Variants in PCDHA10 observed in about 807,000 individuals in gnomAD.
PCDHA10 encodes the protein protocadherin alpha-10.
A neutral mutation model predicts 61.2 loss-of-function variants in PCDHA10; 45 were observed. That is an observed-to-expected ratio of 0.74 (90% confidence interval 0.58 to 0.94). The LOEUF is 0.94. Ranked by LOEUF, PCDHA10 falls within the 40% of genes least tolerant of loss-of-function variation. PCDHA10 has a pLI of 0.00. For missense variants in PCDHA10, 1,278 were observed against 1,236.2 expected, an observed-to-expected ratio of 1.03 and a Z score of -0.51; for synonymous variants, 602 against 548.8, an observed-to-expected ratio of 1.10 and a Z score of -1.35.
chr5:140,895,995 G>A (rs2065293379), intron 1 of PCDHA10, among the ~76,000 whole-genome samples: 1 of 152,058 alleles, frequency 6.6e-6, no homozygotes, highest in Non-Finnish European at 1.5e-5. Flanking sequence ...ATTTTAAGTA[G>A]AGACAGGGTT....
rs114148884 is a variant in PCDHA10 at position 140,924,440 on chromosome 5, C to T, written c.2389-54509C>T. ...CTTTCTAGTTCCCTAGAAGAGATAA[C>T]GAATGGGTTTGTGTGTTTAGGGAGG... On this transcript the variant is annotated intron_variant, in intron 1 of 3. Coordinates refer to ENST00000307360, the MANE Select transcript of PCDHA10 (RefSeq NM_018901.4). Among the ~76,000 whole-genome samples, 538 of 152,252 alleles carry T rather than the reference C, an allele frequency of 3.5e-3. 4 individuals are homozygous for T. Among genetic ancestry groups the T allele is most frequent in the African/African-American group, 0.012 (480 of 41,540 alleles).
At chr5:140,986,460 G>A (rs1489873666) in intron 3 of PCDHA10, among the ~76,000 whole-genome samples, 1 of 152,176 alleles carries the variant, frequency 6.6e-6, no homozygotes, top group Admixed American at 6.5e-5. Flanking sequence ...TTTAATGAAT[G>A]CCCTCTTGTG....
chr5:140,933,244 A>G (rs1218658347), intron 1 of PCDHA10, among the ~76,000 whole-genome samples: 3 of 152,038 alleles, frequency 2.0e-5, no homozygotes, highest in African/African-American at 4.8e-5. Context: ...AGAAAGGACT[A>G]TAAACACAAA....
chr5:140,994,519 A>G (rs1378534275), intron 3 of PCDHA10, among the ~76,000 whole-genome samples: 2 of 148,690 alleles, frequency 1.3e-5, no homozygotes, highest in Non-Finnish European at 3.0e-5. Context: ...CCTGGGCAAC[A>G]TGGCAAAACC....
intron 1 of PCDHA10, among the ~76,000 whole-genome samples, chr5:140,948,620 T>TTAA (rs1422284059): frequency 6.6e-6 from 1 of 151,716 alleles, no homozygotes; most frequent in African/African-American, 2.4e-5. Context: ...CACAAAGTTG[T>TTAA]TAATAATATT....
At chr5:140,952,009 G>A (rs780606946) in intron 1 of PCDHA10, among the ~76,000 whole-genome samples, 1 of 152,102 alleles carries the variant, frequency 6.6e-6, no homozygotes, top group African/African-American at 2.4e-5. Flanking sequence ...AGAATTATAG[G>A]CCCCATGCAA....
chr5:140,874,111 G>T (rs977519429), intron 1 of PCDHA10, among the ~76,000 whole-genome samples: 2 of 152,056 alleles, frequency 1.3e-5, no homozygotes, highest in Non-Finnish European at 2.9e-5. Flanking sequence ...ATTACTTAAC[G>T]TTTTATAGTT....
Position 140,890,802 on chromosome 5 carries a change from A to G in PCDHA10, c.2388+32366A>G, listed in dbSNP as rs1401387956. On this transcript the variant is annotated intron_variant, in intron 1 of 3. Transcript: ENST00000307360. The stretch of plus-strand genomic sequence containing the variant: ...TAAGATATTAGTATTATTTTATACA[A>G]TCAACATTGTTTTAAATGTACTTAC... 5.3e-5 allele frequency among the ~76,000 whole-genome samples: 8 copies of G among 152,310 alleles called. 1 individual carries two copies. Among genetic ancestry groups the G allele is most frequent in the Admixed American group, 4.6e-4 (7 of 15,296 alleles).
intron 1 of PCDHA10, chr5:140,927,951 T>G: frequency 6.2e-7 from 1 of 1,614,198 alleles, no homozygotes; most frequent in Non-Finnish European, 8.5e-7. Context: ...CTGAGGACGC[T>G]GCCCCTGGCA....
At chr5:140,911,030 C>A (rs995736934) in intron 1 of PCDHA10, among the ~76,000 whole-genome samples, 1 of 152,066 alleles carries the variant, frequency 6.6e-6, no homozygotes, top group East Asian at 1.9e-4. Context: ...AGTTATAGGT[C>A]TAGAAGCAAA....
chr5:140,863,782 C>T (rs570936581), intron 1 of PCDHA10: 24 of 228,258 alleles, frequency 1.1e-4, no homozygotes, highest in Non-Finnish European at 1.2e-4. Flanking sequence ...GCGGATCACT[C>T]GAGGCCAGGA....
chr5:140,862,131 G>C (rs375206364), intron 1 of PCDHA10: 1 of 162,230 alleles, frequency 6.2e-6, no homozygotes, highest in Non-Finnish European at 1.4e-5. Context: ...TGTAAAGATA[G>C]GTTTTGAGGA....
At chr5:140,927,940 C>T (rs1247043975) in intron 1 of PCDHA10, 1 of 1,614,108 alleles carries the variant, frequency 6.2e-7, no homozygotes, top group African/African-American at 1.3e-5. Flanking sequence ...GAACCCAGTA[C>T]CTGAGGACGC....
At chr5:140,951,751 C>T (rs1206749897) in intron 1 of PCDHA10, among the ~76,000 whole-genome samples, 2 of 152,112 alleles carry the variant, frequency 1.3e-5, no homozygotes, top group Non-Finnish European at 2.9e-5. Flanking sequence ...CCTCACCCTC[C>T]GCGAAATCTC....
At chr5:140,965,356 A>T (rs1554227617) in intron 1 of PCDHA10, among the ~76,000 whole-genome samples, 3 of 152,194 alleles carry the variant, frequency 2.0e-5, no homozygotes, top group African/African-American at 7.2e-5. Flanking sequence ...CCTCTATAGC[A>T]GTACAAGAGG....
At chr5:140,904,729 TA>T (rs1313627737) in intron 1 of PCDHA10, among the ~76,000 whole-genome samples, 4 of 152,162 alleles carry the variant, frequency 2.6e-5, no homozygotes, top group East Asian at 1.9e-4. Context: ...CAACATCTAT[TA>T]TTTTTTTATT....
intron 1 of PCDHA10, among the ~76,000 whole-genome samples, chr5:140,946,661 G>C (rs2094005923): frequency 7.6e-6 from 1 of 132,422 alleles, no homozygotes; most frequent in Non-Finnish European, 1.6e-5. Flanking sequence ...CCATTAGAAA[G>C]AATGAAATCC....
At chr5:140,869,117 A>G in intron 1 of PCDHA10, 2 of 1,605,428 alleles carry the variant, frequency 1.2e-6, no homozygotes, top group Non-Finnish European at 1.7e-6. Context: ...TTTGGTTTTC[A>G]GAGAAGGGGA....
rs190155701 is a variant in PCDHA10, at chr5:140,878,924, A to G, written c.2388+20488A>G. Among the ~76,000 whole-genome samples, 11 of 152,344 alleles carry G rather than the reference A, an allele frequency of 7.2e-5. No homozygotes were observed. The East Asian group carries it at 2.1e-3, about 29-fold the overall frequency. ...GCTCCACCACTCCCAGCTTCAATCA[A>G]TAATTTTAAATAAATATATGGTATT... On this transcript the variant is annotated intron_variant, in intron 1 of 3. Transcript: ENST00000307360.
Sources: allele counts gnomAD v4.1 joint callset (sites outside exome capture counted in the v4.1 genomes callset), GRCh38; gene constraint gnomAD v4.1.1; transcripts MANE v1.5; gene names NCBI Gene and HGNC (gene_info 2026-07-23, HGNC 2026-07-21).